The following SAMM50 variants were observed in gnomAD, a reference collection of about 807,000 sequenced individuals.
The protein encoded by SAMM50 is SAMM50 sorting and assembly machinery component.
A neutral mutation model predicts 66.9 loss-of-function variants in SAMM50; 47 were observed. The observed-to-expected ratio is 0.70, with a 90% CI of 0.56 to 0.90. The LOEUF (loss-of-function observed/expected upper bound fraction) is 0.90, where lower values mean the gene tolerates loss of function less well. Among genes scored for constraint, SAMM50 ranks in the 40% least tolerant of loss-of-function variants. The probability of loss-of-function intolerance (pLI) is 0.00; values close to 1 mark genes in which losing one functional copy is unlikely to be tolerated. For synonymous variants in SAMM50, 191 were observed against 214.1 expected (o/e 0.89, Z 0.94); for missense variants, 535 against 595.3 (o/e 0.90, Z 1.05).
intron 12 of SAMM50, chr22:43,988,103 A>G (rs1300665458): frequency 3.3e-5 from 5 of 152,178 alleles, no homozygotes; most frequent in Non-Finnish European, 7.3e-5. Flanking sequence ...CAATGAGTAT[A>G]TTTAACTTTT....
chr22:43,971,515 G>T (rs1174826232), intron 4 of SAMM50, among the ~76,000 whole-genome samples: 1 of 152,138 alleles, frequency 6.6e-6, no homozygotes, highest in African/African-American at 2.4e-5. Context: ...ATCTTCGAGG[G>T]TTACTGACAC....
intron 10 of SAMM50, among the ~76,000 whole-genome samples, chr22:43,978,578 C>T (rs1297414010): frequency 2.0e-5 from 3 of 151,896 alleles, no homozygotes; most frequent in Non-Finnish European, 2.9e-5. Context: ...AATGCTGTTC[C>T]GTGGACCTTC....
chr22:43,971,466 C>A (rs533994028), intron 4 of SAMM50, among the ~76,000 whole-genome samples: 2 of 152,164 alleles, frequency 1.3e-5, no homozygotes, highest in African/African-American at 4.8e-5. Context: ...GACAGACATG[C>A]CTCTTACACA....
chr22:43,974,380 C>T (rs1016550290), intron 7 of SAMM50, among the ~76,000 whole-genome samples: 5 of 152,174 alleles, frequency 3.3e-5, no homozygotes, highest in African/African-American at 7.2e-5. Context: ...AGGACAGGAG[C>T]GCGGGGTCTC....
At chr22:43,993,146 C>T (rs948200814) in intron 14 of SAMM50, among the ~76,000 whole-genome samples, 3 of 152,216 alleles carry the variant, frequency 2.0e-5, no homozygotes, top group Non-Finnish European at 4.4e-5. Flanking sequence ...GCACCAACAC[C>T]TAGCTTAAGT....
intron 7 of SAMM50, chr22:43,975,226 T>G (rs1569029833): frequency 6.6e-6 from 1 of 152,582 alleles, no homozygotes; most frequent in Non-Finnish European, 1.5e-5. Context: ...CTGTGGGTGC[T>G]GAGGTGGGTG....
intron 1 of SAMM50, chr22:43,957,475 T>C (rs1316587509): frequency 4.5e-6 from 1 of 223,060 alleles, no homozygotes; most frequent in African/African-American, 2.4e-5. Flanking sequence ...CAGGCTGGAG[T>C]GCAATGGTGC....
chr22:43,995,377 G>T (rs1603420805), intron 14 of SAMM50: 1 of 152,220 alleles, frequency 6.6e-6, no homozygotes. Flanking sequence ...GAATAAAGGA[G>T]CCATTCTTGC....
chr22:43,982,295 C>T (rs1000269235), intron 11 of SAMM50, among the ~76,000 whole-genome samples: 1 of 152,220 alleles, frequency 6.6e-6, no homozygotes, highest in Admixed American at 6.5e-5. Context: ...TCCATTGTAG[C>T]ATTGCTGATG....
At chr22:43,971,127 G>A (rs1327196242) in intron 4 of SAMM50, among the ~76,000 whole-genome samples, 1 of 152,060 alleles carries the variant, frequency 6.6e-6, no homozygotes, top group Non-Finnish European at 1.5e-5. Flanking sequence ...GAGATCATCC[G>A]ACTGCACTCC....
intron 1 of SAMM50, among the ~76,000 whole-genome samples, chr22:43,955,942 C>T (rs980557666): frequency 1.3e-5 from 2 of 152,204 alleles, no homozygotes; most frequent in African/African-American, 2.4e-5. Flanking sequence ...CACTTCCAGC[C>T]TTTCCCCGCT....
At chr22:43,996,189 G>T in intron 14 of SAMM50, 149 bp from the exon 15 acceptor site, 1 of 820,500 alleles carries the variant, frequency 1.2e-6, no homozygotes, top group East Asian at 2.4e-5. Context: ...GCCGGGGCCG[G>T]TGAGGGTGAG....
At position 43,996,155 on chromosome 22, in the gene SAMM50, T is replaced by C. The variant is rs1473725074; in HGVS notation, c.1365-183T>C. The stretch of plus-strand genomic sequence containing the variant: ...GAGGGCTTAACCAGCTGGTGAAGGT[T>C]CTTAACCAGCAAAGGAGGAAGCAGC... On this transcript the variant is annotated intron_variant, in intron 14 of 14. Transcript: ENST00000350028. 4 of 715,520 alleles carry C rather than the reference T, an allele frequency of 5.6e-6. No individual in the cohort carries two copies. In the African/African-American group the frequency reaches 7.0e-5, roughly 13 times the overall value. The allele number at this position is 715,520 out of a possible 1,614,324, so 44.3% of individuals were successfully genotyped here.
intron 2 of SAMM50, 130 bp from the exon 3 acceptor site, chr22:43,964,322 G>T: frequency 1.7e-6 from 1 of 575,904 alleles, no homozygotes; most frequent in Non-Finnish European, 3.2e-6. Context: ...AAAGTCCAGA[G>T]GTAAGAAGTG....
At chr22:43,987,929 G>A (rs371782170) in intron 12 of SAMM50, 1 of 151,668 alleles carries the variant, frequency 6.6e-6, no homozygotes, top group Admixed American at 6.6e-5. Flanking sequence ...CACAGAGAGA[G>A]AGAGAGCAAG....
intron 13 of SAMM50, among the ~76,000 whole-genome samples, chr22:43,989,569 C>T (rs1350632712): frequency 6.6e-6 from 1 of 151,150 alleles, no homozygotes; most frequent in African/African-American, 2.4e-5. Flanking sequence ...ATCTCTTGAC[C>T]TCGTGATCCA....
chr22:43,981,304 TCA>T, intron 10 of SAMM50, 85 bp from the exon 11 acceptor site: 1 of 1,034,920 alleles, frequency 9.7e-7, no homozygotes, highest in South Asian at 1.3e-5. Context: ...CCACGGGCAT[TCA>T]GTGTGTGGCC....
intron 10 of SAMM50, among the ~76,000 whole-genome samples, chr22:43,979,242 C>G (rs2050249928): frequency 6.6e-6 from 1 of 152,232 alleles, no homozygotes; most frequent in Non-Finnish European, 1.5e-5. Context: ...GTGGCTGCAG[C>G]TGCTGCCTGT....
At position 43,955,615 on chromosome 22, in the gene SAMM50, C is replaced by T. The variant is rs1270741486; in HGVS notation, c.21+17C>T. The T allele has an allele frequency of 6.3e-7, 1 of 1,585,810 alleles. No individual in the cohort carries two copies. The highest frequency in any genetic ancestry group is 8.6e-7 in the Non-Finnish European group (1 of 1,167,052). ...CACGCCCGGGTAAGAGGCCCAGCGA[C>T]CCGCGGGCTGCGAGGCCTCTGGGCC... On this transcript the variant is annotated intron_variant, in intron 1 of 14. Coordinates refer to ENST00000350028, the MANE Select transcript of SAMM50 (RefSeq NM_015380.5).
Sources: gnomAD v4.1 joint callset for allele counts (sites outside exome capture counted in the v4.1 genomes callset) on GRCh38, gnomAD v4.1.1 for gene constraint, MANE v1.5 for transcripts, NCBI Gene and HGNC (gene_info 2026-07-23, HGNC 2026-07-21) for gene names.